The following C10orf71 variants were observed in gnomAD, a reference collection of about 807,000 sequenced individuals.
C10orf71 encodes chromosome 10 open reading frame 71, also known as cardiac-enriched FHL2-interacting protein.
For synonymous variants in C10orf71, 758 were observed against 726.3 expected (o/e 1.04, Z -0.70); for missense variants, 1,869 against 1,804.5 (o/e 1.04, Z -0.65).
At chr10:49,313,063 A>G (rs994199958) in intron 1 of C10orf71, among the ~76,000 whole-genome samples, 1 of 152,148 alleles carries the variant, frequency 6.6e-6, no homozygotes, top group Non-Finnish European at 1.5e-5. Context: ...ACCAATAAAC[A>G]CTCAGGCTAG....
chr10:49,320,261 C>T (rs1196538036), intron 2 of C10orf71, among the ~76,000 whole-genome samples: 1 of 152,050 alleles, frequency 6.6e-6, no homozygotes, highest in African/African-American at 2.4e-5. Flanking sequence ...GGGGGAGGGG[C>T]CATAGCTATA....
In C10orf71 at chr10:49,324,071, G is replaced by A. The variant is rs775875033; in HGVS notation, c.1526G>A (p.Arg509His). 4.0e-5 allele frequency: 65 copies of A among 1,613,852 alleles called. No individual in the cohort carries two copies. Among genetic ancestry groups the A allele is most frequent in the South Asian group, 5.5e-5 (5 of 91,078 alleles). ...LLFNLKDVRK[R>H]VKSTYSSSPL... ...TTCAACCTCAAGGACGTGCGGAAGC[G>A]TGTTAAGAGCACATACAGTTCCTCA... The change falls in exon 3 of 3, where the codon CGT becomes CAT. Residue 509 changes from arginine (R) to histidine (H), a missense_variant. Coordinates refer to ENST00000374144, the MANE Select transcript of C10orf71 (RefSeq NM_001135196.2).
chr10:49,311,215 A>C (rs1157578484), intron 1 of C10orf71, among the ~76,000 whole-genome samples: 1 of 152,124 alleles, frequency 6.6e-6, no homozygotes, highest in Non-Finnish European at 1.5e-5. Flanking sequence ...GGTCCTATGG[A>C]CCTGACAAGC....
At position 49,326,230 on chromosome 10, in the gene C10orf71, C is replaced by G. The variant is rs1054205796; in HGVS notation, c.3685C>G (p.Arg1229Gly). The change falls in exon 3 of 3, where the codon CGA becomes GGA. Residue 1229 changes from arginine (R) to glycine (G), a missense_variant. Physicochemically the swap from Arg to Gly is moderately radical, Grantham distance 125. Coordinates refer to ENST00000374144, the MANE Select transcript of C10orf71 (RefSeq NM_001135196.2). ...QRPLCPRERP[R>G]HNFPVVRSLP... is the part of the protein sequence containing the mutation. The stretch of plus-strand genomic sequence containing the variant: ...GCCGCTGTGCCCCAGAGAGAGGCCC[C>G]GACACAATTTCCCCGTGGTCCGTTC... 1.9e-6 allele frequency: 3 copies of G among 1,550,826 alleles called. No homozygotes were observed. The highest frequency in any genetic ancestry group is 2.6e-6 in the Non-Finnish European group (3 of 1,146,964).
intron 1 of C10orf71, among the ~76,000 whole-genome samples, chr10:49,303,875 G>A (rs996395148): frequency 5.9e-5 from 9 of 152,124 alleles, no homozygotes; most frequent in South Asian, 2.1e-4. Flanking sequence ...TGGCTGAGCC[G>A]CCTTACCCCT....
intron 1 of C10orf71, among the ~76,000 whole-genome samples, chr10:49,305,821 G>C (rs1212285659): frequency 6.6e-6 from 1 of 152,212 alleles, no homozygotes; most frequent in Non-Finnish European, 1.5e-5. Flanking sequence ...TAAAATTTCT[G>C]GTCTCAGAGA....
At chr10:49,322,322 C>T (rs1392790300) in intron 2 of C10orf71, 80 bp from the exon 3 acceptor site, 2 of 496,840 alleles carry the variant, frequency 4.0e-6, no homozygotes, top group Non-Finnish European at 7.0e-6. Flanking sequence ...CTCACAGGCA[C>T]CATTTTCCAC....
Position 49,327,407 on chromosome 10 carries a change from A to G in C10orf71, c.*554A>G, listed in dbSNP as rs1849283227. On this transcript the variant is annotated 3_prime_UTR_variant, in exon 3 of 3. Transcript: ENST00000374144. The stretch of plus-strand genomic sequence containing the variant: ...CACAGAATGGGTTTCCTTCACAGGG[A>G]GAAACTTGCCTCTGAAAGCTATTTT... 1 of 172,056 alleles carries G rather than the reference A, an allele frequency of 5.8e-6. No homozygotes were observed. The highest frequency in any genetic ancestry group is 1.4e-5 in the Non-Finnish European group (1 of 71,292). 10.7% of individuals were successfully genotyped at this position (172,056 alleles called of 1,614,324 possible). A position where few individuals can be genotyped will look rare whatever the true frequency, so the allele number is the denominator to read the frequency against.
rs376454121 is a variant in C10orf71 at position 49,322,649 on chromosome 10, G to A, written c.104G>A (p.Arg35Gln). 61 of 1,613,378 alleles carry A rather than the reference G, an allele frequency of 3.8e-5. No individual in the cohort carries two copies. The highest frequency in any genetic ancestry group is 1.6e-4 in the Middle Eastern group (1 of 6,082). The change falls in exon 3 of 3, where the codon CGG becomes CAG. Residue 35 changes from arginine (R) to glutamine (Q), a missense_variant. Coordinates refer to ENST00000374144, the MANE Select transcript of C10orf71 (RefSeq NM_001135196.2). ...ADREVSSLTD[R>Q]AFRSLCISED... ...AGGGAGGTGAGCAGCCTAACAGACC[G>A]GGCATTCCGGAGTTTGTGCATCTCC... is the stretch of plus-strand genomic sequence containing the variant.
In C10orf71 at chr10:49,323,246, G is replaced by C. The variant is rs1291075998; in HGVS notation, c.701G>C (p.Ser234Thr). ...GAAATGGCCTGTCACGGCTCCAGCAGCTTCCTCCCAGCAGCCAATGACACG... is the reference window on the plus strand; with the variant it reads ...GAAATGGCCTGTCACGGCTCCAGCACCTTCCTCCCAGCAGCCAATGACACG... ...NPEMACHGSS[S>T]FLPAANDTAT... The change falls in exon 3 of 3, where the codon AGC (serine) becomes ACC (threonine). Residue 234 changes from serine to threonine, a missense_variant. Transcript: ENST00000374144. The C allele has an allele frequency of 2.5e-6, 4 of 1,613,714 alleles. No homozygotes were observed. Among genetic ancestry groups the C allele is most frequent in the Non-Finnish European group, 3.4e-6 (4 of 1,179,858 alleles).
rs1478496339 is a variant in C10orf71 at position 49,324,856 on chromosome 10, G to C, written c.2311G>C (p.Glu771Gln). Reference protein sequence around the residue: ...SAGDSQKDEKENVMRKDELQY... With the variant: ...SAGDSQKDEKQNVMRKDELQY... ...AGGTGACAGTCAGAAGGATGAGAAG[G>C]AGAATGTGATGCGGAAGGATGAGCT... Residue 771 changes from glutamate (E) to glutamine (Q), a missense_variant, in exon 3 of 3, where the codon GAG becomes CAG. By Grantham distance (29) the Glu-to-Gln change is conservative. Transcript: ENST00000374144. 1 of 1,551,938 alleles carries C rather than the reference G, an allele frequency of 6.4e-7. No homozygotes were observed. The highest frequency in any genetic ancestry group is 8.7e-7 in the Non-Finnish European group (1 of 1,147,034).
chr10:49,325,040 G>A lies in C10orf71; in HGVS notation c.2495G>A (p.Gly832Asp). The A allele has an allele frequency of 6.4e-7, 1 of 1,551,716 alleles. No homozygotes were observed. Among genetic ancestry groups the A allele is most frequent in the Non-Finnish European group, 8.7e-7 (1 of 1,147,016 alleles). Residue 832 changes from glycine to aspartate, a missense_variant, in exon 3 of 3, where the codon GGC becomes GAC. Gly to Asp is a moderately conservative substitution (Grantham distance 94). Coordinates refer to ENST00000374144, the MANE Select transcript of C10orf71 (RefSeq NM_001135196.2). ...FRGSWIGENK[G>D]TTFSQAKDLT... The stretch of plus-strand genomic sequence containing the variant: ...GGCTCTTGGATTGGGGAAAATAAGG[G>A]CACAACCTTTTCACAGGCCAAAGAC...
In C10orf71 at chr10:49,326,555, G is replaced by A. The variant is rs1215560381; in HGVS notation, c.4010G>A (p.Gly1337Asp). 1.9e-6 allele frequency: 3 copies of A among 1,550,542 alleles called. No individual in the cohort carries two copies. The highest frequency in any genetic ancestry group is 1.2e-5 in the South Asian group (1 of 84,054). ...GCCGCTCCCTATGTGCTGTACCCCGGCTTCCAGCCAGTGCCCGTGACGGCC... is the reference window on the plus strand; with the variant it reads ...GCCGCTCCCTATGTGCTGTACCCCGACTTCCAGCCAGTGCCCGTGACGGCC... ...ALAAPYVLYP[G>D]FQPVPVTALM... Residue 1337 changes from glycine to aspartate, a missense_variant, in exon 3 of 3, where the codon GGC becomes GAC. Gly to Asp is a moderately conservative substitution (Grantham distance 94, BLOSUM62 -1). Transcript: ENST00000374144.
At chr10:49,310,799 A>ATGT (rs1390652465) in intron 1 of C10orf71, among the ~76,000 whole-genome samples, 1 of 151,398 alleles carries the variant, frequency 6.6e-6, no homozygotes, top group East Asian at 1.9e-4. Context: ...GATGATGATG[A>ATGT]TGGTGATGAT....
intron 1 of C10orf71, among the ~76,000 whole-genome samples, chr10:49,312,335 C>T (rs1049691181): frequency 3.9e-5 from 6 of 152,190 alleles, no homozygotes; most frequent in African/African-American, 1.4e-4. Context: ...TTTGCAGAAC[C>T]TTCTCCATCT....
In C10orf71 at chr10:49,324,070, C is replaced by T. The variant is rs201677101; in HGVS notation, c.1525C>T (p.Arg509Cys). 262 of 1,613,774 alleles carry T rather than the reference C, an allele frequency of 1.6e-4. 1 individual carries two copies. The highest frequency in any genetic ancestry group is 1.9e-4 in the Non-Finnish European group (219 of 1,179,868). Reference protein sequence around the residue: ...LLFNLKDVRKRVKSTYSSSPL... With the variant: ...LLFNLKDVRKCVKSTYSSSPL... ...GTTCAACCTCAAGGACGTGCGGAAG[C>T]GTGTTAAGAGCACATACAGTTCCTC... The change falls in exon 3 of 3, where the codon CGT (arginine) becomes TGT (cysteine). Residue 509 changes from arginine to cysteine, a missense_variant. Physicochemically the swap from Arg to Cys is radical, Grantham distance 180. Transcript: ENST00000374144.
At chr10:49,308,467 C>T (rs1400656690) in intron 1 of C10orf71, among the ~76,000 whole-genome samples, 1 of 152,192 alleles carries the variant, frequency 6.6e-6, no homozygotes, top group East Asian at 1.9e-4. Context: ...AGGCTGACAC[C>T]CCTCTCCCAT....
intron 1 of C10orf71, among the ~76,000 whole-genome samples, chr10:49,304,818 A>G (rs767917285): frequency 3.3e-5 from 5 of 152,212 alleles, no homozygotes; most frequent in African/African-American, 7.2e-5. Flanking sequence ...GGAGCCCTCA[A>G]GTGGGCTTCT....
At chr10:49,303,472 A>C (rs540497743) in intron 1 of C10orf71, among the ~76,000 whole-genome samples, 1 of 152,278 alleles carries the variant, frequency 6.6e-6, no homozygotes, top group African/African-American at 2.4e-5. Flanking sequence ...CCCATCACTC[A>C]AGACCCAGAT....
Sources: allele counts gnomAD v4.1 joint callset (sites outside exome capture counted in the v4.1 genomes callset), GRCh38; gene constraint gnomAD v4.1.1; transcripts MANE v1.5; gene names NCBI Gene and HGNC (gene_info 2026-07-23, HGNC 2026-07-21).